Variants in LMX1A observed in about 807,000 individuals in gnomAD.
LMX1A encodes LIM homeobox transcription factor 1-alpha.
A neutral mutation model predicts 49.1 loss-of-function variants in LMX1A; 15 were observed. The ratio of observed to expected loss-of-function variants is 0.31; its 90% CI spans 0.20 to 0.47. The LOEUF is 0.47. Among genes scored for constraint, LMX1A ranks in the 20% least tolerant of loss-of-function variants. LMX1A has a pLI of 1.00. For synonymous variants in LMX1A, 167 were observed against 185.7 expected (o/e 0.90, Z 0.82); for missense variants, 372 against 475.8 (o/e 0.78, Z 2.03).
At chr1:165,270,839 T>C (rs1653770800) in intron 3 of LMX1A, among the ~76,000 whole-genome samples, 2 of 152,192 alleles carry the variant, frequency 1.3e-5, no homozygotes, top group Non-Finnish European at 2.9e-5. Context: ...TAGGGACCAC[T>C]GGGATCCCGT....
intron 2 of LMX1A, among the ~76,000 whole-genome samples, chr1:165,354,396 G>T (rs1656529378): frequency 6.6e-6 from 1 of 152,182 alleles, no homozygotes; most frequent in Non-Finnish European, 1.5e-5. Context: ...CGTTGAGAGC[G>T]AACGTGGGCC....
At chr1:165,305,577 C>T (rs1233239769) in intron 3 of LMX1A, among the ~76,000 whole-genome samples, 2 of 152,184 alleles carry the variant, frequency 1.3e-5, no homozygotes, top group African/African-American at 2.4e-5. Flanking sequence ...AACCACTGTC[C>T]TTTCTGACAC....
At chr1:165,264,138 G>C (rs979061743) in intron 3 of LMX1A, among the ~76,000 whole-genome samples, 1 of 151,956 alleles carries the variant, frequency 6.6e-6, no homozygotes, top group African/African-American at 2.4e-5. Context: ...AGGAGGGACT[G>C]GGTAAAAATA....
intron 4 of LMX1A, among the ~76,000 whole-genome samples, chr1:165,220,077 G>C (rs1420655123): frequency 6.6e-6 from 1 of 152,178 alleles, no homozygotes; most frequent in African/African-American, 2.4e-5. Context: ...CATTGACCTG[G>C]AATGGAGGCT....
intron 8 of LMX1A, among the ~76,000 whole-genome samples, chr1:165,205,381 T>C (rs896020408): frequency 1.1e-4 from 16 of 152,186 alleles, no homozygotes; most frequent in Non-Finnish European, 8.8e-5. Context: ...ATAAGGGAGA[T>C]ACTTTCACTT....
rs555501296 is a variant in LMX1A, at chr1:165,291,756, T to C, written c.264-42116A>G. 1.9e-3 allele frequency among the ~76,000 whole-genome samples: 288 copies of C among 152,308 alleles called. 2 individuals carry two copies. Among genetic ancestry groups the C allele is most frequent in the African/African-American group, 6.3e-3 (260 of 41,562 alleles). ...AAGTAGCAAAGCTGGGATTTAAACC[T>C]GTACTCTTAACAATATGCTATATGC... On this transcript the variant is annotated intron_variant, in intron 3 of 8. Coordinates refer to ENST00000342310, the MANE Select transcript of LMX1A (RefSeq NM_177398.4).
At chr1:165,300,256 TC>T (rs1416938662) in intron 3 of LMX1A, among the ~76,000 whole-genome samples, 1 of 152,188 alleles carries the variant, frequency 6.6e-6, no homozygotes, top group Non-Finnish European at 1.5e-5. Flanking sequence ...TAAAATATGC[TC>T]ACAACTTTAG....
At chr1:165,217,637 T>C (rs1198487748) in intron 4 of LMX1A, among the ~76,000 whole-genome samples, 1 of 152,218 alleles carries the variant, frequency 6.6e-6, no homozygotes, top group African/African-American at 2.4e-5. Flanking sequence ...CTGCCTAACC[T>C]GGCTACAGGA....
intron 3 of LMX1A, among the ~76,000 whole-genome samples, chr1:165,297,978 AGT>A (rs1323359367): frequency 1.3e-5 from 2 of 152,278 alleles, no homozygotes; most frequent in Admixed American, 1.3e-4. Context: ...TCACATTAAA[AGT>A]TAATTCTTGT....
At chr1:165,271,153 C>T (rs1178960809) in intron 3 of LMX1A, among the ~76,000 whole-genome samples, 1 of 152,108 alleles carries the variant, frequency 6.6e-6, no homozygotes, top group Non-Finnish European at 1.5e-5. Context: ...CCTGTTATGG[C>T]CAAAGAGAAA....
chr1:165,209,285 A>T (rs1052060719), intron 6 of LMX1A, among the ~76,000 whole-genome samples: 3 of 152,226 alleles, frequency 2.0e-5, no homozygotes, highest in Non-Finnish European at 4.4e-5. Flanking sequence ...ACTGTAAAGC[A>T]TATATTTGGT....
chr1:165,347,925 G>A (rs572988457), intron 3 of LMX1A, among the ~76,000 whole-genome samples: 1 of 142,068 alleles, frequency 7.0e-6, no homozygotes, highest in East Asian at 2.1e-4. Flanking sequence ...AGTTGGAATT[G>A]TTGTCATTAG....
intron 3 of LMX1A, among the ~76,000 whole-genome samples, chr1:165,284,483 T>C (rs1382861788): frequency 1.3e-5 from 2 of 152,184 alleles, no homozygotes; most frequent in African/African-American, 2.4e-5. Context: ...TCAAAGCTAA[T>C]ATTAAGAGTG....
intron 4 of LMX1A, among the ~76,000 whole-genome samples, chr1:165,244,689 G>A (rs1196412412): frequency 6.6e-6 from 1 of 152,104 alleles, no homozygotes; most frequent in Non-Finnish European, 1.5e-5. Context: ...AGTAGAGACT[G>A]GATAAGCATC....
At chr1:165,327,372 A>G (rs1655620466) in intron 3 of LMX1A, among the ~76,000 whole-genome samples, 1 of 152,342 alleles carries the variant, frequency 6.6e-6, no homozygotes, top group East Asian at 1.9e-4. Flanking sequence ...TGCAGTAGAC[A>G]TGGACACCCA....
intron 3 of LMX1A, among the ~76,000 whole-genome samples, chr1:165,341,106 C>T (rs1002726587): frequency 2.6e-5 from 4 of 152,166 alleles, no homozygotes; most frequent in South Asian, 2.1e-4. Flanking sequence ...ATATTTCATG[C>T]TTAGAAATCC....
intron 3 of LMX1A, among the ~76,000 whole-genome samples, chr1:165,303,394 G>T (rs1001950492): frequency 1.3e-5 from 2 of 152,216 alleles, no homozygotes; most frequent in Non-Finnish European, 2.9e-5. Flanking sequence ...CTGGGGGCTG[G>T]GAACGCTTCA....
At chr1:165,283,853 TCTC>T (rs1232168098) in intron 3 of LMX1A, among the ~76,000 whole-genome samples, 1 of 152,242 alleles carries the variant, frequency 6.6e-6, no homozygotes, top group African/African-American at 2.4e-5. Context: ...TCCTCATTAC[TCTC>T]ATTGTCCACA....
At chr1:165,298,904 G>GACACT (rs1458321889) in intron 3 of LMX1A, among the ~76,000 whole-genome samples, 2 of 152,212 alleles carry the variant, frequency 1.3e-5, no homozygotes, top group Non-Finnish European at 2.9e-5. Context: ...TATATGAAGT[G>GACACT]TCTGCATGTG....
Sources: gnomAD v4.1 joint callset for allele counts (sites outside exome capture counted in the v4.1 genomes callset) on GRCh38, gnomAD v4.1.1 for gene constraint, MANE v1.5 for transcripts, NCBI Gene and HGNC (gene_info 2026-07-23, HGNC 2026-07-21) for gene names.